Variants in CDH10 observed in about 807,000 individuals in gnomAD.
The protein encoded by CDH10 is cadherin-10.
In CDH10, 30 loss-of-function variants were observed where a neutral mutation model predicts 73.1. That is an observed-to-expected ratio of 0.41 (90% confidence interval 0.31 to 0.56). CDH10 has a LOEUF of 0.56. Among genes scored for constraint, CDH10 ranks in the 20% least tolerant of loss-of-function variants. The pLI, the probability that CDH10 is intolerant of heterozygous loss-of-function variation, is 0.27. For missense variants in CDH10, 815 were observed against 973.7 expected (o/e 0.84, Z 2.17); for synonymous variants, 345 against 348.2 (o/e 0.99, Z 0.10).
At chr5:24,516,268 T>C (rs1743104885) in intron 5 of CDH10, among the ~76,000 whole-genome samples, 1 of 118,168 alleles carries the variant, frequency 8.5e-6, no homozygotes, top group African/African-American at 2.9e-5. Context: ...GTCTTAGGAC[T>C]GATGATTTTA....
chr5:24,635,611 C>A (rs139129827), intron 1 of CDH10, among the ~76,000 whole-genome samples: 19 of 151,746 alleles, frequency 1.3e-4, no homozygotes, highest in Admixed American at 6.6e-4. Context: ...TCTTTCCTAT[C>A]GTTTACAAAA....
intron 1 of CDH10, among the ~76,000 whole-genome samples, chr5:24,615,038 C>A (rs1463948583): frequency 6.6e-6 from 1 of 152,134 alleles, no homozygotes; most frequent in Admixed American, 6.6e-5. Context: ...AACAAGTAGA[C>A]ATCCACTCTC....
chr5:24,627,372 C>A (rs552401953), intron 1 of CDH10, among the ~76,000 whole-genome samples: 1 of 152,028 alleles, frequency 6.6e-6, no homozygotes, highest in African/African-American at 2.4e-5. Flanking sequence ...GGGCAATTTT[C>A]TCTCATTGAA....
At chr5:24,555,074 T>G (rs1744718233) in intron 2 of CDH10, among the ~76,000 whole-genome samples, 2 of 152,114 alleles carry the variant, frequency 1.3e-5, no homozygotes, top group Admixed American at 6.6e-5. Context: ...TAACTCTTTT[T>G]TATAAGAATG....
chr5:24,577,720 G>C (rs1166858907), intron 2 of CDH10, among the ~76,000 whole-genome samples: 2 of 152,046 alleles, frequency 1.3e-5, no homozygotes, highest in Non-Finnish European at 2.9e-5. Context: ...ATTCTGTTGA[G>C]AGAATCTAAG....
At chr5:24,624,875 C>T (rs965144018) in intron 1 of CDH10, among the ~76,000 whole-genome samples, 3 of 152,096 alleles carry the variant, frequency 2.0e-5, no homozygotes, top group African/African-American at 7.2e-5. Flanking sequence ...CTGGAAAATG[C>T]TAACAGGAAG....
At chr5:24,634,645 C>A (rs1027507621) in intron 1 of CDH10, among the ~76,000 whole-genome samples, 1 of 151,680 alleles carries the variant, frequency 6.6e-6, no homozygotes, top group African/African-American at 2.4e-5. Flanking sequence ...ATAGCTATGG[C>A]AAATACGAGC....
intron 11 of CDH10, among the ~76,000 whole-genome samples, chr5:24,488,794 C>T (rs1031399169): frequency 7.5e-5 from 10 of 133,106 alleles, no homozygotes; most frequent in Admixed American, 3.1e-4. Flanking sequence ...GCATGAGACC[C>T]CCCCCCCAAA....
At chr5:24,596,726 C>T (rs1288490046) in intron 1 of CDH10, among the ~76,000 whole-genome samples, 1 of 152,054 alleles carries the variant, frequency 6.6e-6, no homozygotes, top group East Asian at 1.9e-4. Context: ...CACTAATAGA[C>T]AATTCTGAAT....
At chr5:24,610,802 G>A (rs550011496) in intron 1 of CDH10, among the ~76,000 whole-genome samples, 2 of 152,254 alleles carry the variant, frequency 1.3e-5, no homozygotes, top group Admixed American at 6.5e-5. Flanking sequence ...ATGTAAACAG[G>A]TTAGGGCTGG....
At chr5:24,606,469 G>A (rs1746765252) in intron 1 of CDH10, among the ~76,000 whole-genome samples, 2 of 152,154 alleles carry the variant, frequency 1.3e-5, no homozygotes, top group East Asian at 3.9e-4. Flanking sequence ...AAATTAGCCA[G>A]GCATGGTGGC....
chr5:24,505,286 T>C (rs2111728492), intron 7 of CDH10, 38 bp from the exon 8 acceptor site: 1 of 1,585,638 alleles, frequency 6.3e-7, no homozygotes, highest in Non-Finnish European at 8.6e-7. Flanking sequence ...ATGGCAGCAT[T>C]ATTAATAGTT....
intron 2 of CDH10, among the ~76,000 whole-genome samples, chr5:24,541,078 G>C (rs73067146): frequency 6.6e-6 from 1 of 151,852 alleles, no homozygotes; most frequent in African/African-American, 2.4e-5. Flanking sequence ...AGTAAATAAA[G>C]GAGGCAGAAA....
At chr5:24,600,056 AT>A (rs149246550) in intron 1 of CDH10, among the ~76,000 whole-genome samples, 1 of 152,034 alleles carries the variant, frequency 6.6e-6, no homozygotes, top group South Asian at 2.1e-4. Context: ...TTAATTCTTT[AT>A]TTTTTCAAAT....
chr5:24,615,534 G>A (rs2112155080), intron 1 of CDH10, among the ~76,000 whole-genome samples: 1 of 152,240 alleles, frequency 6.6e-6, no homozygotes, highest in Non-Finnish European at 1.5e-5. Context: ...TGTAGGTATG[G>A]AAAAAACGGA....
At chr5:24,500,731 A>G (rs939253267) in intron 8 of CDH10, among the ~76,000 whole-genome samples, 3 of 152,236 alleles carry the variant, frequency 2.0e-5, no homozygotes, top group Non-Finnish European at 4.4e-5. Flanking sequence ...TCAGGACTCA[A>G]TATGCGTTGA....
intron 1 of CDH10, among the ~76,000 whole-genome samples, chr5:24,638,545 G>A (rs572811725): frequency 4.1e-4 from 62 of 151,882 alleles, no homozygotes; most frequent in African/African-American, 1.4e-3. Context: ...TCTTGGTTGA[G>A]GGGGTAGATA....
At chr5:24,594,454 C>T (rs1440281404) in intron 1 of CDH10, among the ~76,000 whole-genome samples, 2 of 151,740 alleles carry the variant, frequency 1.3e-5, no homozygotes, top group Non-Finnish European at 1.5e-5. Context: ...ACAAAACACT[C>T]CAGTGGTTTC....
chr5:24,565,615 C>T (rs1378970193), intron 2 of CDH10, among the ~76,000 whole-genome samples: 1 of 151,996 alleles, frequency 6.6e-6, no homozygotes, highest in African/African-American at 2.4e-5. Flanking sequence ...GCCCTAATTC[C>T]CAGAATAATT....
Sources: gnomAD v4.1 joint callset for allele counts (sites outside exome capture counted in the v4.1 genomes callset) on GRCh38, gnomAD v4.1.1 for gene constraint, MANE v1.5 for transcripts, NCBI Gene and HGNC (gene_info 2026-07-23, HGNC 2026-07-21) for gene names.